Variants in LFNG observed in about 807,000 individuals in gnomAD.
LFNG encodes LFNG O-fucosylpeptide 3-beta-N-acetylglucosaminyltransferase, also known as beta-1,3-N-acetylglucosaminyltransferase lunatic fringe.
Under a neutral mutation model 32.7 loss-of-function variants are expected in LFNG, and 15 were observed. The ratio of observed to expected loss-of-function variants is 0.46; its 90% CI spans 0.31 to 0.71. LFNG has a LOEUF of 0.71. LFNG is among the 30% of genes least tolerant of loss of function. The pLI is 0.06. For missense variants in LFNG, 520 were observed against 545.7 expected (o/e 0.95, Z 0.47); for synonymous variants, 274 against 246.8 (o/e 1.11, Z -1.03).
rs115158697 is a variant in LFNG at position 2,512,784 on chromosome 7, C to A, written c.47+83C>A. 11,428 of 1,186,160 alleles carry A rather than the reference C, an allele frequency of 9.6e-3. 301 individuals carry two copies. The highest frequency in any genetic ancestry group is 0.05 in the Admixed American group (2,754 of 54,716). 73.5% of individuals were successfully genotyped at this position (1,186,160 alleles called of 1,614,324 possible). ...CGTGAACCTGGAGCCCCCTATGTCT[C>A]CCCCAGTACCCCTGCATTCTACACC... On this transcript the variant is annotated intron_variant, in intron 1 of 8. Transcript: ENST00000402506.
Position 2,527,786 on chromosome 7 carries a change from A to C in LFNG, c.*574A>C, listed in dbSNP as rs1780038792. The C allele has an allele frequency of 3.0e-6, 3 of 1,004,424 alleles. No homozygotes were observed. The highest frequency in any genetic ancestry group is 3.6e-6 in the Non-Finnish European group (3 of 839,952). 62.2% of individuals were successfully genotyped at this position (1,004,424 alleles called of 1,614,324 possible). The stretch of plus-strand genomic sequence containing the variant: ...GTAACAGCAGCCACCGCCCAGTTCC[A>C]GTGGCCCCACGAAGCCCCCAGTGGC... On this transcript the variant is annotated 3_prime_UTR_variant, in exon 8 of 8. Coordinates refer to ENST00000222725, the MANE Select transcript of LFNG (RefSeq NM_001040167.2). The surrounding 1 kb of genome is among the most constrained non-coding windows in gnomAD (Gnocchi z 4.4).
chr7:2,524,520 G>T, intron 1 of LFNG, 175 bp from the exon 2 acceptor site: 1 of 681,978 alleles, frequency 1.5e-6, no homozygotes, highest in African/African-American at 1.8e-5. Flanking sequence ...GCACTGAGAT[G>T]GGGCACTTGA....
intron 2 of LFNG, 31 bp downstream of exon 2, chr7:2,524,774 C>G (rs768025341): frequency 1.9e-6 from 3 of 1,556,112 alleles, no homozygotes; most frequent in South Asian, 2.3e-5. Flanking sequence ...GGGAGGGGGC[C>G]CAGGCCTCCA....
Position 2,522,325 on chromosome 7 carries a change from A to G in LFNG, c.432+2032A>G, listed in dbSNP as rs181124444. 1.3e-4 allele frequency among the ~76,000 whole-genome samples: 20 copies of G among 152,306 alleles called. 1 individual carries two copies. In the East Asian group the frequency reaches 3.9e-3, roughly 29 times the overall value. On this transcript the variant is annotated intron_variant, in intron 1 of 7. Coordinates refer to ENST00000222725, the MANE Select transcript of LFNG (RefSeq NM_001040167.2). ...GACCACAGCATGGGGGTTGTGCAGG[A>G]AACTTCTAGCAACTGGAGTGGTGGC...
intron 1 of LFNG, among the ~76,000 whole-genome samples, chr7:2,521,576 T>G (rs1194841513): frequency 1.3e-5 from 2 of 151,974 alleles, no homozygotes; most frequent in Non-Finnish European, 2.9e-5. Context: ...TTACTGACAG[T>G]CCTTTTGGGG....
At chr7:2,524,322 A>G (rs1377036059) in intron 1 of LFNG, among the ~76,000 whole-genome samples, 1 of 152,154 alleles carries the variant, frequency 6.6e-6, no homozygotes, top group African/African-American at 2.4e-5. Context: ...TGTGTCAATA[A>G]GGGTGTGTGC....
Position 2,528,135 on chromosome 7 carries a change from C to A in LFNG, c.*923C>A. ...TTCTGTGGATCAGAAAAAACAGAAG[C>A]CAAACTCGGGGTCATCTTTGTTTTT... On this transcript the variant is annotated 3_prime_UTR_variant, in exon 8 of 8. Coordinates refer to ENST00000222725, the MANE Select transcript of LFNG (RefSeq NM_001040167.2). The A allele has an allele frequency of 3.0e-6, 3 of 985,600 alleles. No homozygotes were observed. Among genetic ancestry groups the A allele is most frequent in the Non-Finnish European group, 3.6e-6 (3 of 829,892 alleles). The allele number at this position is 985,600 out of a possible 1,614,324, so 61.1% of individuals were successfully genotyped here.
rs1583275179 is a variant in LFNG at position 2,524,323 on chromosome 7, G to C, written c.433-372G>C. ...GGCAGGCTGGGTGCTGTGTCAATAAGGGTGTGTGCCCTGCCAGGTGCACGG... is the reference window on the plus strand; with the variant it reads ...GGCAGGCTGGGTGCTGTGTCAATAACGGTGTGTGCCCTGCCAGGTGCACGG... On this transcript the variant is annotated intron_variant, in intron 1 of 7. Transcript: ENST00000222725. 3.3e-5 allele frequency among the ~76,000 whole-genome samples: 5 copies of C among 152,330 alleles called. No homozygotes were observed. In the East Asian group the frequency reaches 9.7e-4, roughly 29 times the overall value.
chr7:2,526,720 A>T lies in LFNG; in HGVS notation c.988-116A>T, dbSNP rs1361095656. 2.1e-6 allele frequency: 2 copies of T among 957,922 alleles called. No homozygotes were observed. Among genetic ancestry groups the T allele is most frequent in the Non-Finnish European group, 3.3e-6 (2 of 604,434 alleles). The allele number at this position is 957,922 out of a possible 1,614,324, so 59.3% of individuals were successfully genotyped here. A position where few individuals can be genotyped will look rare whatever the true frequency, so the allele number is the denominator to read the frequency against. Reference sequence around the variant, plus strand: ...GGGTGTGCAGGGCAGGTGTCCTTCCAGGTCCAAGGGAGGCCAGGGCAGGGC... The same window carrying T: ...GGGTGTGCAGGGCAGGTGTCCTTCCTGGTCCAAGGGAGGCCAGGGCAGGGC... On this transcript the variant is annotated intron_variant, in intron 6 of 7. Transcript: ENST00000222725. The surrounding 1 kb of genome is among the most constrained non-coding windows in gnomAD (Gnocchi z 6.9).
chr7:2,513,069 G>T, upstream of LFNG: 1 of 1,306,852 alleles, frequency 7.7e-7, no homozygotes, highest in Non-Finnish European at 1.1e-6. Context: ...GCCCACAGTG[G>T]GTTCTCCCTC....
chr7:2,527,024 A>G lies in LFNG; in HGVS notation c.1073+103A>G, dbSNP rs570477073. 493 of 1,416,494 alleles carry G rather than the reference A, an allele frequency of 3.5e-4. 5 individuals are homozygous for G. In the South Asian group the frequency reaches 5.0e-3, roughly 14 times the overall value. 87.7% of individuals were successfully genotyped at this position (1,416,494 alleles called of 1,614,324 possible). On this transcript the variant is annotated intron_variant, in intron 7 of 7. Transcript: ENST00000222725. This position sits in a 1 kb window ranked among gnomAD's most constrained non-coding sequence, Gnocchi z 4.4. Reference sequence around the variant, plus strand: ...GTCTCTCTAAGCGGCATGACTCTACATAGAGGTGTCCCCCGGAGTCCTGCT... The same window carrying G: ...GTCTCTCTAAGCGGCATGACTCTACGTAGAGGTGTCCCCCGGAGTCCTGCT...
At chr7:2,512,957 G>A (rs1332829593), upstream of LFNG, among the ~76,000 whole-genome samples, 1 of 151,566 alleles carries the variant, frequency 6.6e-6, no homozygotes, top group East Asian at 1.9e-4. Context: ...CTGCCTGACT[G>A]CACAACCTCC....
chr7:2,520,396 C>T lies in LFNG; in HGVS notation c.432+103C>T. 1 of 1,091,280 alleles carries T rather than the reference C, an allele frequency of 9.2e-7. No individual in the cohort carries two copies. Among genetic ancestry groups the T allele is most frequent in the South Asian group, 1.5e-5 (1 of 67,984 alleles). The allele number at this position is 1,091,280 out of a possible 1,614,324, so 67.6% of individuals were successfully genotyped here. A position where few individuals can be genotyped will look rare whatever the true frequency, so the allele number is the denominator to read the frequency against. On this transcript the variant is annotated intron_variant, in intron 1 of 7. Transcript: ENST00000222725. This position sits in a 1 kb window ranked among gnomAD's most constrained non-coding sequence, Gnocchi z 5.0. ...ATGGGAGTCAGGCTGCATCCCCATC[C>T]AGCCACTAGGGCCATCTGTGGGCGA... is the stretch of plus-strand genomic sequence containing the variant.
chr7:2,524,628 G>T (rs1193145090), intron 1 of LFNG, 67 bp from the exon 2 acceptor site: 2 of 1,472,418 alleles, frequency 1.4e-6, no homozygotes, highest in East Asian at 2.4e-5. Flanking sequence ...GCCCCGTCCG[G>T]CCCCCACAGA....
upstream of LFNG, chr7:2,513,317 C>T (rs1290416383): frequency 1.2e-6 from 2 of 1,603,116 alleles, no homozygotes; most frequent in East Asian, 4.5e-5. Flanking sequence ...CGGAGGTGGC[C>T]TCTCTCAGCA....
At position 2,528,001 on chromosome 7, in the gene LFNG, T is replaced by C; in HGVS notation, c.*789T>C. The C allele has an allele frequency of 2.0e-6, 2 of 984,800 alleles. No individual in the cohort carries two copies. Among genetic ancestry groups the C allele is most frequent in the Non-Finnish European group, 2.4e-6 (2 of 829,652 alleles). The allele number at this position is 984,800 out of a possible 1,614,324, so 61.0% of individuals were successfully genotyped here. ...CGTGTCTGTAAATATTGTGACAGTA[T>C]TTTTTTACTGTGCTGTTTTTTTTGA... On this transcript the variant is annotated 3_prime_UTR_variant, in exon 8 of 8. Transcript: ENST00000222725.
chr7:2,523,249 G>A (rs535165730), intron 1 of LFNG, among the ~76,000 whole-genome samples: 55 of 152,318 alleles, frequency 3.6e-4, no homozygotes, highest in African/African-American at 1.3e-3. Context: ...CAAGGGGCTG[G>A]GTGCGAGTCT....
chr7:2,521,550 G>GC (rs1401830734), intron 1 of LFNG, among the ~76,000 whole-genome samples: 1 of 152,152 alleles, frequency 6.6e-6, no homozygotes, highest in Non-Finnish European at 1.5e-5. Context: ...GGACCAGCGG[G>GC]CCCCCCCAGC....
intron 1 of LFNG, among the ~76,000 whole-genome samples, chr7:2,522,932 C>A (rs1352905825): frequency 2.6e-5 from 4 of 152,246 alleles, no homozygotes; most frequent in Non-Finnish European, 5.9e-5. Context: ...CCCAGCAGCG[C>A]CTTTTTCCTC....
Sources: allele counts gnomAD v4.1 joint callset (sites outside exome capture counted in the v4.1 genomes callset), GRCh38; gene constraint gnomAD v4.1.1; non-coding constraint Gnocchi (gnomAD v3.1); transcripts MANE v1.5; gene names NCBI Gene and HGNC (gene_info 2026-07-23, HGNC 2026-07-21).